NXF1: variants seen among roughly 807,000 people sequenced by gnomAD.
The protein encoded by NXF1 is mRNA export factor TAP.
Under a neutral mutation model 92.4 loss-of-function variants are expected in NXF1, and 43 were observed. The ratio of observed to expected loss-of-function variants is 0.47; its 90% CI spans 0.36 to 0.60. The LOEUF is 0.60. Ranked by LOEUF, NXF1 falls within the 20% of genes least tolerant of loss-of-function variation. NXF1 has a pLI of 0.00. For synonymous variants in NXF1, 288 were observed against 292.2 expected, an observed-to-expected ratio of 0.99 and a Z score of 0.15; for missense variants, 576 against 793.0, an observed-to-expected ratio of 0.73 and a Z score of 3.29.
intron 9 of NXF1, 103 bp from the exon 10 acceptor site, chr11:62,800,589 T>A: frequency 8.9e-6 from 6 of 673,372 alleles, no homozygotes; most frequent in Non-Finnish European, 1.2e-5. Context: ...TCTTTTCTAA[T>A]CTTTTAAAAT....
chr11:62,796,352 G>A lies in NXF1; in HGVS notation c.1287-7C>T, dbSNP rs770405176. The stretch of plus-strand genomic sequence containing the variant: ...ATACTCGGCTAAGCTGCTTCTGGGG[G>A]AATAAAAGGAATGGACGTGGTGTTC... On this transcript the variant is annotated splice_polypyrimidine_tract_variant and splice_region_variant and intron_variant, in intron 14 of 20. Coordinates refer to ENST00000294172, the MANE Select transcript of NXF1 (RefSeq NM_006362.5). The A allele has an allele frequency of 1.2e-6, 2 of 1,614,112 alleles. No individual in the cohort carries two copies. The highest frequency in any genetic ancestry group is 1.7e-6 in the Non-Finnish European group (2 of 1,180,028).
chr11:62,799,350 C>CT (rs1403461056), intron 10 of NXF1: 1 of 985,710 alleles, frequency 1.0e-6, no homozygotes, highest in East Asian at 1.1e-4. Flanking sequence ...GGCCAGGTCT[C>CT]TGTCTGCTAC....
intron 1 of NXF1, 77 bp downstream of exon 1, chr11:62,805,252 C>G (rs1445437605): frequency 2.0e-6 from 3 of 1,474,754 alleles, no homozygotes; most frequent in Admixed American, 4.4e-5. Context: ...CCTCACGCCC[C>G]GGGGGCTGAG....
Position 62,801,995 on chromosome 11 carries a change from C to T in NXF1, c.505G>A (p.Ala169Thr). The change falls in exon 5 of 21, where the codon GCC becomes ACC. Residue 169 changes from alanine to threonine, a missense_variant. Ala to Thr is a moderately conservative substitution (Grantham distance 58, BLOSUM62 0). Around this residue, in one of 2 missense-constraint regions of NXF1, gnomAD observed 425 missense variants for 635.2 expected, o/e 0.67. Coordinates refer to ENST00000294172, the MANE Select transcript of NXF1 (RefSeq NM_006362.5). Reference protein sequence around the residue: ...AQFFVEDASTASALKAVNYKI... With the variant: ...AQFFVEDASTTSALKAVNYKI... ...TAGTTGACAGCCTTCAATGCAGAGG[C>T]AGTACTGGCGTCTTCAACGAAGAAC... The T allele has an allele frequency of 1.2e-6, 2 of 1,614,244 alleles. No individual in the cohort carries two copies. The highest frequency in any genetic ancestry group is 1.7e-6 in the Non-Finnish European group (2 of 1,180,044).
At chr11:62,792,597 C>G in intron 20 of NXF1, 44 bp downstream of exon 20, 1 of 1,613,788 alleles carries the variant, frequency 6.2e-7, no homozygotes, top group Non-Finnish European at 8.5e-7. Flanking sequence ...CTCCTGGAGG[C>G]CCAGAGATCC....
chr11:62,794,102 G>C (rs1455651817), intron 19 of NXF1, among the ~76,000 whole-genome samples, 156 bp downstream of exon 19: 1 of 151,898 alleles, frequency 6.6e-6, no homozygotes, highest in African/African-American at 2.4e-5. Flanking sequence ...AGGAATTAGA[G>C]GCTACAGTGA....
intron 10 of NXF1, chr11:62,799,927 GCCATCACAGTACAAAGGAGGGAAGGC>G (rs1451778069): frequency 9.1e-6 from 9 of 990,556 alleles, no homozygotes; most frequent in Non-Finnish European, 9.6e-6. Flanking sequence ...GGCAAGAGGG[GCCATCACAGTACAAAGGAGGGAAGGC>G]CCATCTCAGT....
chr11:62,802,091 T>G (rs1211995116), intron 4 of NXF1, 45 bp from the exon 5 acceptor site: 2 of 1,608,698 alleles, frequency 1.2e-6, no homozygotes, highest in African/African-American at 2.7e-5. Flanking sequence ...CCAGAGCCCT[T>G]GGGGAGGGGC....
Position 62,805,091 on chromosome 11 carries a change from C to T in NXF1, c.28+238G>A, listed in dbSNP as rs1282651751. ...ACCACCCACAAAGTTCAAAGGAATCCCGTCACCCTACCCCCGAGCCATCCG... is the reference window on the plus strand; with the variant it reads ...ACCACCCACAAAGTTCAAAGGAATCTCGTCACCCTACCCCCGAGCCATCCG... On this transcript the variant is annotated intron_variant, in intron 1 of 20. Transcript: ENST00000294172. 5 of 377,836 alleles carry T rather than the reference C, an allele frequency of 1.3e-5. No individual in the cohort carries two copies. The Admixed American group carries it at 2.4e-4, about 18-fold the overall frequency. The allele number at this position is 377,836 out of a possible 1,614,324, so 23.4% of individuals were successfully genotyped here.
At chr11:62,804,104 G>A in intron 1 of NXF1, 126 bp from the exon 2 acceptor site, 4 of 1,574,128 alleles carry the variant, frequency 2.5e-6, no homozygotes, top group Non-Finnish European at 3.4e-6. Context: ...CCATCTCCAT[G>A]CAAACTCCGC....
Position 62,805,213 on chromosome 11 carries a change from G to A in NXF1, c.28+116C>T, listed in dbSNP as rs575300975. The A allele has an allele frequency of 1.4e-4, 137 of 999,476 alleles. 5 individuals carry two copies. The South Asian group carries it at 4.4e-3, about 32-fold the overall frequency. 61.9% of individuals were successfully genotyped at this position (999,476 alleles called of 1,614,324 possible). ...TCGAGTGCCCGGCCCCCCGCGCGCC[G>A]CTCCCCGCGGACGCCGGGCCCCTAG... On this transcript the variant is annotated intron_variant, in intron 1 of 20. Transcript: ENST00000294172.
intron 17 of NXF1, 189 bp from the exon 18 acceptor site, chr11:62,795,196 G>T: frequency 1.8e-6 from 1 of 561,450 alleles, no homozygotes; most frequent in Non-Finnish European, 3.2e-6. Flanking sequence ...TAATAACTAC[G>T]GCCGGGCACA....
chr11:62,794,596 T>G, intron 18 of NXF1, 156 bp from the exon 19 acceptor site: 1 of 682,388 alleles, frequency 1.5e-6, no homozygotes, highest in South Asian at 1.9e-5. Context: ...GGAATCAATG[T>G]TTGGAAGGAT....
At chr11:62,795,406 A>G in intron 17 of NXF1, 1 of 201,642 alleles carries the variant, frequency 5.0e-6, no homozygotes, top group Non-Finnish European at 1.0e-5. Flanking sequence ...AACCCAGGAG[A>G]CGGAGGTTGC....
rs369302518 is a variant in NXF1 at position 62,801,584 on chromosome 11, G to A, written c.687C>T (p.Leu229=). 8.7e-6 allele frequency: 14 copies of A among 1,614,202 alleles called. No individual in the cohort carries two copies. The African/African-American group carries it at 1.2e-4, about 14-fold the overall frequency. The change falls in exon 7 of 21, where the codon CTC becomes CTT. Residue 229 remains leucine (L), a synonymous_variant. Coordinates refer to ENST00000294172, the MANE Select transcript of NXF1 (RefSeq NM_006362.5). Reference sequence around the variant, plus strand: ...TACCTGGGTCTGAACGGAGGCCTTTGAGGTCAAGGGCTTGTTGGGAGCCAT... The same window carrying A: ...TACCTGGGTCTGAACGGAGGCCTTTAAGGTCAAGGGCTTGTTGGGAGCCAT... ...RYDGSQQALD[L]KGLRSDPDLV...
intron 3 of NXF1, 104 bp downstream of exon 3, chr11:62,803,315 A>T: frequency 3.1e-6 from 3 of 965,542 alleles, no homozygotes; most frequent in South Asian, 1.8e-5. Context: ...GACTCCATTT[A>T]AAAAAAATAA....
At chr11:62,800,999 C>A in intron 9 of NXF1, 95 bp downstream of exon 9, 2 of 914,884 alleles carry the variant, frequency 2.2e-6, no homozygotes, top group Non-Finnish European at 1.7e-6. Context: ...CACATCTGGC[C>A]TGAGTTCTCT....
Position 62,800,487 on chromosome 11 carries a change from C to A in NXF1, c.907-1G>T. The A allele has an allele frequency of 6.2e-7, 1 of 1,611,282 alleles. No homozygotes were observed. Among genetic ancestry groups the A allele is most frequent in the Non-Finnish European group, 8.5e-7 (1 of 1,178,000 alleles). On this transcript the variant is annotated splice_acceptor_variant, in intron 9 of 20. Transcript: ENST00000294172. LOFTEE classifies it high-confidence loss of function. ...TGTCCAATTCCCGCTCAGACTTCAA[C>A]TGCAAAGGGTGGAAGGAACAAAGGG...
intron 11 of NXF1, among the ~76,000 whole-genome samples, chr11:62,798,239 C>A (rs570578300): frequency 6.6e-6 from 1 of 151,538 alleles, no homozygotes; most frequent in African/African-American, 2.4e-5. Context: ...GCCAGCCTGG[C>A]GAACATGGTG....
Sources: gnomAD v4.1 joint callset for allele counts (sites outside exome capture counted in the v4.1 genomes callset) on GRCh38, gnomAD v4.1.1 for gene constraint, gnomAD v4.1.1 regional missense constraint, MANE v1.5 for transcripts, NCBI Gene and HGNC (gene_info 2026-07-23, HGNC 2026-07-21) for gene names.